The following CHST11 variants were observed in gnomAD, a reference collection of about 807,000 sequenced individuals.
CHST11 encodes the protein C4S-1.
Under a neutral mutation model 30.4 loss-of-function variants are expected in CHST11, and 9 were observed. The ratio of observed to expected loss-of-function variants is 0.30; its 90% CI spans 0.18 to 0.52. The LOEUF (loss-of-function observed/expected upper bound fraction) is 0.52, where lower values mean the gene tolerates loss of function less well. CHST11 is among the 20% of genes least tolerant of loss of function. The pLI is 0.97. For synonymous variants in CHST11, 152 were observed against 187.8 expected (o/e 0.81, Z 1.56); for missense variants, 348 against 460.6 (o/e 0.76, Z 2.24).
intron 2 of CHST11, among the ~76,000 whole-genome samples, chr12:104,704,325 A>T (rs561535847): frequency 1.9e-4 from 29 of 152,290 alleles, no homozygotes; most frequent in African/African-American, 5.3e-4. Flanking sequence ...CCTGGAAGGA[A>T]CTGGGCTCCA....
chr12:104,637,314 A>ACTC (rs1303078037), intron 2 of CHST11, among the ~76,000 whole-genome samples: 1,053 of 58,480 alleles, frequency 0.018, 129 homozygotes, highest in East Asian at 0.084. Context: ...AAAAAAAAAA[A>ACTC]AAAAAAAAAA....
At chr12:104,694,035 C>T (rs769215207) in intron 2 of CHST11, among the ~76,000 whole-genome samples, 82 of 152,176 alleles carry the variant, frequency 5.4e-4, no homozygotes, top group Non-Finnish European at 1.5e-4. Context: ...TTATTCTTAG[C>T]TCCAGGACCA....
intron 2 of CHST11, among the ~76,000 whole-genome samples, chr12:104,728,909 G>A (rs11112177): frequency 0.014 from 2,149 of 152,306 alleles, 63 homozygotes; most frequent in African/African-American, 0.049. Context: ...TCAAGAGCCA[G>A]TTAGAGCAAT....
intron 1 of CHST11, among the ~76,000 whole-genome samples, chr12:104,527,778 GA>G (rs1426703921): frequency 6.6e-6 from 1 of 152,180 alleles, no homozygotes; most frequent in Non-Finnish European, 1.5e-5. Flanking sequence ...AATTTATAAA[GA>G]AAAGAGGTTT....
chr12:104,608,237 G>A (rs17035961), intron 2 of CHST11, among the ~76,000 whole-genome samples: 1,553 of 152,154 alleles, frequency 0.01, 52 homozygotes, highest in East Asian at 0.087. Flanking sequence ...TATAACTTGC[G>A]AATTTAGGGA....
chr12:104,464,350 T>C (rs2037438438), intron 1 of CHST11, among the ~76,000 whole-genome samples: 1 of 151,990 alleles, frequency 6.6e-6, no homozygotes, highest in Non-Finnish European at 1.5e-5. Flanking sequence ...GAGGTGTGAG[T>C]CACTGTGCCC....
At chr12:104,510,437 C>T (rs1328037394) in intron 1 of CHST11, among the ~76,000 whole-genome samples, 2 of 152,184 alleles carry the variant, frequency 1.3e-5, no homozygotes, top group Non-Finnish European at 2.9e-5. Context: ...GTTCTTAGAA[C>T]CCAGTTCATT....
intron 2 of CHST11, among the ~76,000 whole-genome samples, chr12:104,626,806 A>T (rs1344797778): frequency 6.6e-6 from 1 of 151,956 alleles, no homozygotes; most frequent in Non-Finnish European, 1.5e-5. Context: ...CGTCATCAGC[A>T]TCCTCCACTG....
intron 1 of CHST11, among the ~76,000 whole-genome samples, chr12:104,574,723 G>A (rs150378900): frequency 0.01 from 1,596 of 152,098 alleles, 42 homozygotes; most frequent in African/African-American, 0.038. Flanking sequence ...GTGGGGGTTG[G>A]GGGAGGGATA....
At chr12:104,734,566 G>A (rs921544172) in intron 2 of CHST11, among the ~76,000 whole-genome samples, 3 of 152,182 alleles carry the variant, frequency 2.0e-5, no homozygotes, top group Non-Finnish European at 2.9e-5. Context: ...GGTCACAGGT[G>A]GAAAACGGGG....
At chr12:104,638,163 C>G (rs1221909370) in intron 2 of CHST11, among the ~76,000 whole-genome samples, 1 of 151,238 alleles carries the variant, frequency 6.6e-6, no homozygotes, top group African/African-American at 2.4e-5. Flanking sequence ...AAAGGAGGAG[C>G]AAAATGAGAA....
intron 2 of CHST11, among the ~76,000 whole-genome samples, chr12:104,747,287 C>G (rs1009631370): frequency 6.6e-6 from 1 of 152,210 alleles, no homozygotes; most frequent in Non-Finnish European, 1.5e-5. Flanking sequence ...TGCCTGGACT[C>G]GAACCCCAGA....
At chr12:104,604,178 T>C (rs1168645918) in intron 2 of CHST11, among the ~76,000 whole-genome samples, 1 of 152,146 alleles carries the variant, frequency 6.6e-6, no homozygotes, top group African/African-American at 2.4e-5. Flanking sequence ...AGGGGCCCTC[T>C]CTTCCTTCCG....
intron 1 of CHST11, among the ~76,000 whole-genome samples, chr12:104,491,316 A>G (rs1487054448): frequency 2.0e-5 from 3 of 152,140 alleles, no homozygotes; most frequent in Non-Finnish European, 4.4e-5. Flanking sequence ...GATGGACAGG[A>G]TAATTTAGCA....
chr12:104,641,034 A>C (rs1364289240), intron 2 of CHST11, among the ~76,000 whole-genome samples: 1 of 152,202 alleles, frequency 6.6e-6, no homozygotes, highest in East Asian at 1.9e-4. Context: ...TGTCAGAAGC[A>C]GCTTGACTTC....
rs752155768 is a variant in CHST11 at position 104,759,707 on chromosome 12, T to C, written c.*1904T>C. On this transcript the variant is annotated 3_prime_UTR_variant, in exon 3 of 3. Coordinates refer to ENST00000303694, the MANE Select transcript of CHST11 (RefSeq NM_018413.6). ...GGGCCGGAGAAGGTAGCTGAAGCTA[T>C]TTATAAAACGTTGTGTACCTTCTTC... 2.0e-5 allele frequency: 3 copies of C among 152,172 alleles called. No homozygotes were observed. The highest frequency in any genetic ancestry group is 4.4e-5 in the Non-Finnish European group (3 of 68,032). 9.4% of individuals were successfully genotyped at this position (152,172 alleles called of 1,614,324 possible). A position where few individuals can be genotyped will look rare whatever the true frequency, so the allele number is the denominator to read the frequency against.
intron 2 of CHST11, among the ~76,000 whole-genome samples, chr12:104,753,036 C>T (rs115338942): frequency 8.6e-4 from 131 of 152,340 alleles, no homozygotes; most frequent in African/African-American, 2.9e-3. Context: ...GCAGACACTT[C>T]ATGCCAGAAT....
At chr12:104,511,477 C>A (rs530461403) in intron 1 of CHST11, among the ~76,000 whole-genome samples, 14 of 152,196 alleles carry the variant, frequency 9.2e-5, no homozygotes, top group South Asian at 2.1e-4. Flanking sequence ...TTTGAATCTG[C>A]ATTATGTTAC....
chr12:104,556,945 C>T (rs1004289819), intron 1 of CHST11, among the ~76,000 whole-genome samples: 8 of 149,340 alleles, frequency 5.4e-5, no homozygotes, highest in South Asian at 2.1e-4. Context: ...TGCACCATTG[C>T]GCTCCAGCCT....
Sources: allele counts gnomAD v4.1 joint callset (sites outside exome capture counted in the v4.1 genomes callset), GRCh38; gene constraint gnomAD v4.1.1; transcripts MANE v1.5; gene names NCBI Gene and HGNC (gene_info 2026-07-23, HGNC 2026-07-21).